ETV6: variants seen among roughly 807,000 people sequenced by gnomAD.
The protein encoded by ETV6 is ETS variant transcription factor 6.
In ETV6, 16 loss-of-function variants were observed where a neutral mutation model predicts 51.1. The ratio of observed to expected loss-of-function variants is 0.31; its 90% CI spans 0.21 to 0.48. The LOEUF (loss-of-function observed/expected upper bound fraction) is 0.48, where lower values mean the gene tolerates loss of function less well. Ranked by LOEUF, ETV6 falls within the 20% of genes least tolerant of loss-of-function variation. The pLI is 0.99. For synonymous variants in ETV6, 240 were observed against 224.1 expected, an observed-to-expected ratio of 1.07 and a Z score of -0.64; for missense variants, 458 against 594.8, an observed-to-expected ratio of 0.77 and a Z score of 2.39.
intron 5 of ETV6, among the ~76,000 whole-genome samples, chr12:11,871,491 G>GTA (rs1248712984): frequency 6.6e-6 from 1 of 152,076 alleles, no homozygotes; most frequent in Non-Finnish European, 1.5e-5. Flanking sequence ...CGCCTGGCCG[G>GTA]TACTGTCCCT....
At chr12:11,816,457 A>G (rs961760495) in intron 2 of ETV6, among the ~76,000 whole-genome samples, 4 of 152,290 alleles carry the variant, frequency 2.6e-5, no homozygotes, top group Admixed American at 2.0e-4. Context: ...CATGTTAGCC[A>G]GGATGGTCTC....
chr12:11,850,365 C>T (rs1420655996), intron 3 of ETV6, among the ~76,000 whole-genome samples: 1 of 152,118 alleles, frequency 6.6e-6, no homozygotes, highest in African/African-American at 2.4e-5. Context: ...ATGAGACGTC[C>T]AGAGAACCCA....
intron 5 of ETV6, among the ~76,000 whole-genome samples, chr12:11,872,482 A>G (rs1946894909): frequency 7.1e-6 from 1 of 140,596 alleles, no homozygotes; most frequent in Non-Finnish European, 1.5e-5. Context: ...TTAGTCTCTT[A>G]AAATTATATT....
At position 11,667,259 on chromosome 12, in the gene ETV6, G is replaced by A. The variant is rs1864212074; in HGVS notation, c.33+17099G>A. Among the ~76,000 whole-genome samples, 3 of 152,078 alleles carry A rather than the reference G, an allele frequency of 2.0e-5. No homozygotes were observed. In the South Asian group the frequency reaches 6.2e-4, roughly 32 times the overall value. ...AGGTCTTTATTAAGCTTCTATTATGGACTTCAAGTTTCCTCCATGAATGCT... is the reference window on the plus strand; with the variant it reads ...AGGTCTTTATTAAGCTTCTATTATGAACTTCAAGTTTCCTCCATGAATGCT... On this transcript the variant is annotated intron_variant, in intron 1 of 7. Coordinates refer to ENST00000396373, the MANE Select transcript of ETV6 (RefSeq NM_001987.5).
At chr12:11,888,656 G>A (rs776279539) in intron 7 of ETV6, among the ~76,000 whole-genome samples, 1 of 151,976 alleles carries the variant, frequency 6.6e-6, no homozygotes, top group South Asian at 2.1e-4. Context: ...GCCCACCTTG[G>A]CCTCCCAAAG....
chr12:11,788,755 G>GTT (rs1565526404), intron 2 of ETV6, among the ~76,000 whole-genome samples: 1 of 96,748 alleles, frequency 1.0e-5, no homozygotes, highest in African/African-American at 3.4e-5. Flanking sequence ...TGCTTGTATT[G>GTT]GTTTTTTTTT....
intron 1 of ETV6, among the ~76,000 whole-genome samples, chr12:11,715,627 C>A (rs1413060090): frequency 6.6e-6 from 1 of 152,242 alleles, no homozygotes; most frequent in Non-Finnish European, 1.5e-5. Flanking sequence ...ATCAGTACTC[C>A]CTGATGCTGC....
chr12:11,650,481 TAAA>T (rs367594605), intron 1 of ETV6, among the ~76,000 whole-genome samples: 38 of 43,330 alleles, frequency 8.8e-4, no homozygotes, highest in African/African-American at 3.1e-3. Context: ...TTAGTGCGCT[TAAA>T]AAAAAAAAAA....
intron 2 of ETV6, among the ~76,000 whole-genome samples, chr12:11,836,038 G>A (rs1391059036): frequency 6.6e-6 from 1 of 152,198 alleles, no homozygotes; most frequent in African/African-American, 2.4e-5. Flanking sequence ...GCAGTACTAG[G>A]TGCATAGTAG....
At chr12:11,752,356 C>G in intron 1 of ETV6, 94 bp from the exon 2 acceptor site, 1 of 1,423,968 alleles carries the variant, frequency 7.0e-7, no homozygotes, top group South Asian at 1.3e-5. Context: ...CCCCGCCTCC[C>G]TTTTGCTCCC....
chr12:11,704,092 T>G (rs1865030701), intron 1 of ETV6, among the ~76,000 whole-genome samples: 1 of 152,256 alleles, frequency 6.6e-6, no homozygotes, highest in Non-Finnish European at 1.5e-5. Flanking sequence ...TTTTGTCTGT[T>G]TACTCATTAT....
chr12:11,803,435 T>A (rs988796686), intron 2 of ETV6, among the ~76,000 whole-genome samples: 2 of 152,234 alleles, frequency 1.3e-5, no homozygotes, highest in Admixed American at 6.5e-5. Flanking sequence ...AGGGAGCTGC[T>A]TATTGGATTT....
intron 3 of ETV6, among the ~76,000 whole-genome samples, chr12:11,841,644 G>T (rs928030108): frequency 1.3e-5 from 2 of 152,294 alleles, no homozygotes; most frequent in African/African-American, 4.8e-5. Context: ...TATGCCAGAG[G>T]TACACAGGTA....
intron 1 of ETV6, among the ~76,000 whole-genome samples, chr12:11,742,248 G>A (rs1865823804): frequency 6.6e-6 from 1 of 152,198 alleles, no homozygotes; most frequent in South Asian, 2.1e-4. Context: ...TTTTAGAATG[G>A]TATTAATGCT....
Position 11,649,809 on chromosome 12 carries a change from G to T in ETV6, c.-319G>T, listed in dbSNP as rs1331926169. On this transcript the variant is annotated 5_prime_UTR_variant, in exon 1 of 8. Coordinates refer to ENST00000396373, the MANE Select transcript of ETV6 (RefSeq NM_001987.5). ...AGCCGCGGGAGGGCGGGGGGCGGGG[G>T]CGCCGGCTGCGGGTGGGAGGAGAGA... is the stretch of plus-strand genomic sequence containing the variant. 1.4e-5 allele frequency: 2 copies of T among 146,212 alleles called. No homozygotes were observed. Among genetic ancestry groups the T allele is most frequent in the East Asian group, 3.9e-4 (2 of 5,068 alleles). The allele number at this position is 146,212 out of a possible 1,614,324, so 9.1% of individuals were successfully genotyped here.
intron 2 of ETV6, among the ~76,000 whole-genome samples, chr12:11,765,726 A>G (rs542148283): frequency 1.1e-4 from 16 of 152,090 alleles, no homozygotes; most frequent in Admixed American, 1.0e-3. Flanking sequence ...GGGGAAAAAA[A>G]AAACCACCAC....
intron 1 of ETV6, among the ~76,000 whole-genome samples, chr12:11,672,875 G>A (rs1274964559): frequency 6.6e-6 from 1 of 152,242 alleles, no homozygotes. Context: ...CAGAACCGTG[G>A]AAGAGTCCGG....
intron 2 of ETV6, among the ~76,000 whole-genome samples, chr12:11,829,235 A>T (rs550195332): frequency 6.6e-6 from 1 of 152,106 alleles, no homozygotes; most frequent in Non-Finnish European, 1.5e-5. Flanking sequence ...ACAAAGTACA[A>T]CTCATCTACT....
At chr12:11,668,625 C>G (rs1290135910) in intron 1 of ETV6, among the ~76,000 whole-genome samples, 4 of 152,086 alleles carry the variant, frequency 2.6e-5, no homozygotes, top group African/African-American at 9.7e-5. Context: ...CTGGCTGGGT[C>G]GGAGAAGGGC....
Sources: gnomAD v4.1 joint callset for allele counts (sites outside exome capture counted in the v4.1 genomes callset) on GRCh38, gnomAD v4.1.1 for gene constraint, MANE v1.5 for transcripts, NCBI Gene and HGNC (gene_info 2026-07-23, HGNC 2026-07-21) for gene names.